The following GALNTL6 variants were observed in gnomAD, a reference collection of about 807,000 sequenced individuals.
The protein encoded by GALNTL6 is polypeptide N-acetylgalactosaminyltransferase-like 6.
A neutral mutation model predicts 73.7 loss-of-function variants in GALNTL6; 46 were observed. That is an observed-to-expected ratio of 0.62 (90% CI 0.49 to 0.80). GALNTL6 has a LOEUF of 0.80. Among genes scored for constraint, GALNTL6 ranks in the 30% least tolerant of loss-of-function variants. The pLI is 0.00. For synonymous variants in GALNTL6, 259 were observed against 263.7 expected (o/e 0.98, Z 0.17); for missense variants, 604 against 755.0 (o/e 0.80, Z 2.34).
At chr4:171,909,742 T>G (rs1285586818) in intron 2 of GALNTL6, among the ~76,000 whole-genome samples, 1 of 152,164 alleles carries the variant, frequency 6.6e-6, no homozygotes, top group African/African-American at 2.4e-5. Flanking sequence ...CATGTAAGCA[T>G]TTATAACTCC....
chr4:171,964,797 G>A (rs1228526511), intron 2 of GALNTL6, among the ~76,000 whole-genome samples: 1 of 152,086 alleles, frequency 6.6e-6, no homozygotes, highest in East Asian at 1.9e-4. Context: ...CTGTTCTGGC[G>A]GTCGACCTTG....
intron 3 of GALNTL6, among the ~76,000 whole-genome samples, chr4:172,280,861 T>A (rs994803382): frequency 3.9e-5 from 6 of 152,210 alleles, no homozygotes; most frequent in Admixed American, 6.5e-5. Context: ...ACTTAGTGCC[T>A]TAAAGCAATG....
At chr4:172,587,390 G>T (rs188083283) in intron 5 of GALNTL6, among the ~76,000 whole-genome samples, 2 of 152,182 alleles carry the variant, frequency 1.3e-5, no homozygotes, top group African/African-American at 4.8e-5. Context: ...TCCTATCCTT[G>T]CTTTGCAGTG....
chr4:172,674,429 T>A (rs1579320293), intron 5 of GALNTL6, among the ~76,000 whole-genome samples: 1 of 152,188 alleles, frequency 6.6e-6, no homozygotes, highest in Non-Finnish European at 1.5e-5. Flanking sequence ...GAAAATCTGA[T>A]GATTATGTGT....
chr4:172,889,427 T>TA (rs1342309199), intron 8 of GALNTL6, among the ~76,000 whole-genome samples: 2 of 152,134 alleles, frequency 1.3e-5, no homozygotes, highest in Non-Finnish European at 2.9e-5. Context: ...TTGATATATA[T>TA]TTTTAATGCC....
At chr4:172,484,137 T>C (rs951613115) in intron 5 of GALNTL6, among the ~76,000 whole-genome samples, 1 of 152,198 alleles carries the variant, frequency 6.6e-6, no homozygotes, top group African/African-American at 2.4e-5. Context: ...CCTTTTCATA[T>C]TACTTAGCTT....
At chr4:172,699,569 G>T (rs1733904539) in intron 5 of GALNTL6, among the ~76,000 whole-genome samples, 6 of 152,036 alleles carry the variant, frequency 3.9e-5, no homozygotes. Flanking sequence ...ATAAAAACAG[G>T]CTAAAAAGAA....
Position 171,837,557 on chromosome 4 carries a change from A to G in GALNTL6, c.138+22839A>G, listed in dbSNP as rs564460965. On this transcript the variant is annotated intron_variant, in intron 2 of 12. Transcript: ENST00000506823. ...AAATGGTTCAGAAAAAAAAATATAT[A>G]AATACATATTATATATTAATATTAT... is the stretch of plus-strand genomic sequence containing the variant. 4.1e-5 allele frequency among the ~76,000 whole-genome samples: 6 copies of G among 147,666 alleles called. No individual in the cohort carries two copies. In the South Asian group the frequency reaches 1.3e-3, roughly 31 times the overall value.
At chr4:172,643,617 T>C (rs1054091172) in intron 5 of GALNTL6, among the ~76,000 whole-genome samples, 7 of 152,012 alleles carry the variant, frequency 4.6e-5, no homozygotes, top group African/African-American at 1.4e-4. Context: ...ATATCTAACT[T>C]CATAGATTAG....
At chr4:172,990,536 A>G (rs982283848) in intron 10 of GALNTL6, among the ~76,000 whole-genome samples, 3 of 152,070 alleles carry the variant, frequency 2.0e-5, no homozygotes, top group Admixed American at 6.6e-5. Flanking sequence ...GTGCTCCTGA[A>G]CAGATCAGCT....
At chr4:172,996,128 A>T (rs989708119) in intron 10 of GALNTL6, among the ~76,000 whole-genome samples, 1 of 152,018 alleles carries the variant, frequency 6.6e-6, no homozygotes, top group African/African-American at 2.4e-5. Flanking sequence ...ATCTATCTAA[A>T]TGTCCATCAG....
chr4:172,255,190 A>G (rs1738029008), intron 3 of GALNTL6, among the ~76,000 whole-genome samples: 1 of 151,770 alleles, frequency 6.6e-6, no homozygotes, highest in Non-Finnish European at 1.5e-5. Flanking sequence ...ATCTCTGACA[A>G]AAATGCTTAG....
intron 2 of GALNTL6, among the ~76,000 whole-genome samples, chr4:172,038,832 C>T (rs1742008576): frequency 6.6e-6 from 1 of 152,078 alleles, no homozygotes; most frequent in Non-Finnish European, 1.5e-5. Flanking sequence ...GTGATAATGC[C>T]GGAAGTGAAA....
At chr4:172,884,658 G>T in intron 8 of GALNTL6, among the ~76,000 whole-genome samples, 1 of 152,034 alleles carries the variant, frequency 6.6e-6, no homozygotes. Context: ...TTTGTTCCAT[G>T]TGCTTTTGAG....
chr4:172,214,519 C>T (rs200858041), intron 2 of GALNTL6, among the ~76,000 whole-genome samples: 5 of 142,574 alleles, frequency 3.5e-5, no homozygotes, highest in South Asian at 2.2e-4. Context: ...ATTTCTTTTC[C>T]TTTTTTTTTT....
At chr4:172,343,984 T>C (rs1741657001) in intron 4 of GALNTL6, among the ~76,000 whole-genome samples, 1 of 152,186 alleles carries the variant, frequency 6.6e-6, no homozygotes, top group African/African-American at 2.4e-5. Context: ...GGTAATTTTA[T>C]GCAAATGCTT....
At chr4:172,061,819 A>G (rs1328479204) in intron 2 of GALNTL6, among the ~76,000 whole-genome samples, 1 of 151,824 alleles carries the variant, frequency 6.6e-6, no homozygotes, top group Non-Finnish European at 1.5e-5. Context: ...AAATGCATCC[A>G]CCCTGAACGT....
chr4:172,239,663 C>T (rs557900322), intron 3 of GALNTL6, among the ~76,000 whole-genome samples: 3 of 152,002 alleles, frequency 2.0e-5, no homozygotes, highest in Non-Finnish European at 4.4e-5. Flanking sequence ...TCTATTTCCT[C>T]AAGGTGTGAT....
intron 3 of GALNTL6, among the ~76,000 whole-genome samples, chr4:172,281,219 G>A (rs1176837242): frequency 6.6e-6 from 1 of 152,100 alleles, no homozygotes; most frequent in Non-Finnish European, 1.5e-5. Context: ...AGTTCCGGAA[G>A]TGAGAAGTCC....
Sources: gnomAD v4.1 joint callset for allele counts (sites outside exome capture counted in the v4.1 genomes callset) on GRCh38, gnomAD v4.1.1 for gene constraint, MANE v1.5 for transcripts, NCBI Gene and HGNC (gene_info 2026-07-23, HGNC 2026-07-21) for gene names.